The following CFAP77 variants were observed in gnomAD, a reference collection of about 807,000 sequenced individuals.
CFAP77 encodes the protein cilia and flagella associated protein 77, also known as cilia- and flagella-associated protein 77.
Under a neutral mutation model 31.1 loss-of-function variants are expected in CFAP77, and 25 were observed. The ratio of observed to expected loss-of-function variants is 0.80; its 90% CI spans 0.59 to 1.12. The LOEUF (loss-of-function observed/expected upper bound fraction) is 1.12. Ranked by LOEUF, CFAP77 falls within the 50% of genes most tolerant of loss-of-function variation. The pLI is 0.00. For synonymous variants in CFAP77, 151 were observed against 159.9 expected, an observed-to-expected ratio of 0.94 and a Z score of 0.42; for missense variants, 377 against 397.3, an observed-to-expected ratio of 0.95 and a Z score of 0.44.
At chr9:132,476,693 C>T (rs1282492802) in intron 1 of CFAP77, among the ~76,000 whole-genome samples, 2 of 152,082 alleles carry the variant, frequency 1.3e-5, no homozygotes, top group Non-Finnish European at 2.9e-5. Flanking sequence ...GGCACAGAGA[C>T]ACACAGGGGA....
In CFAP77 at chr9:132,446,585, C is replaced by T. The variant is rs139888884; in HGVS notation, c.195+36119C>T. ...GAAACCCCGTCTCTACTAAAAAATA[C>T]AAAAAATTAGCTGGGCGTGGTGGTG... On this transcript the variant is annotated intron_variant, in intron 1 of 5. Coordinates refer to ENST00000393216, the MANE Select transcript of CFAP77 (RefSeq NM_001282957.2). Among the ~76,000 whole-genome samples, 808 of 151,594 alleles carry T rather than the reference C, an allele frequency of 5.3e-3. 7 individuals are homozygous for T. Among genetic ancestry groups the T allele is most frequent in the African/African-American group, 0.018 (750 of 41,310 alleles).
At chr9:132,472,334 T>C (rs547093932) in intron 1 of CFAP77, among the ~76,000 whole-genome samples, 3 of 152,214 alleles carry the variant, frequency 2.0e-5, no homozygotes, top group African/African-American at 7.2e-5. Flanking sequence ...GACTCTTTAT[T>C]GTAGAATGCA....
rs765654276 is a variant in CFAP77, at chr9:132,501,378, CA to C, written c.524+1779del. On this transcript the variant is annotated intron_variant, in intron 3 of 5. Coordinates refer to ENST00000393216, the MANE Select transcript of CFAP77 (RefSeq NM_001282957.2). This position sits in a 1 kb window ranked among gnomAD's most constrained non-coding sequence, Gnocchi z 4.6. ...ACCTTGAGTTCAAGACTCTTTGGGC[CA>C]GCTCAGGTTACATGACTATCTTCTT... 2.6e-5 allele frequency among the ~76,000 whole-genome samples: 4 copies of C among 151,982 alleles called. No homozygotes were observed. The highest frequency in any genetic ancestry group is 4.4e-5 in the Non-Finnish European group (3 of 67,980).
At chr9:132,520,550 C>T (rs1005671005) in intron 3 of CFAP77, among the ~76,000 whole-genome samples, 12 of 152,116 alleles carry the variant, frequency 7.9e-5, no homozygotes, top group African/African-American at 1.4e-4. Context: ...GAGGCTGAGG[C>T]GAGAGGATTG....
In CFAP77 at chr9:132,479,808, C is replaced by T. The variant is rs1445695278; in HGVS notation, c.196-18887C>T. ...TGCAGATATTTAGAATGGCCTACTA[C>T]GTGAGAGGCAGTGAATATTCTCATC... is the stretch of plus-strand genomic sequence containing the variant. On this transcript the variant is annotated intron_variant, in intron 1 of 5. Coordinates refer to ENST00000393216, the MANE Select transcript of CFAP77 (RefSeq NM_001282957.2). Among the ~76,000 whole-genome samples, 6 of 152,168 alleles carry T rather than the reference C, an allele frequency of 3.9e-5. No homozygotes were observed. The South Asian group carries it at 1.0e-3, about 26-fold the overall frequency.
intron 1 of CFAP77, among the ~76,000 whole-genome samples, chr9:132,433,633 C>T (rs1374634388): frequency 5.3e-5 from 8 of 152,006 alleles, no homozygotes; most frequent in South Asian, 2.1e-4. Flanking sequence ...CTGCAACCTC[C>T]GCCTCCTGGG....
rs1175676910 is a variant in CFAP77 at position 132,424,289 on chromosome 9, C to T, written c.195+13823C>T. 1.3e-5 allele frequency among the ~76,000 whole-genome samples: 2 copies of T among 152,118 alleles called. No individual in the cohort carries two copies. The highest frequency in any genetic ancestry group is 4.8e-5 in the African/African-American group (2 of 41,414). ...TGGCCTCGGGTGCCTGTAGTCCCAG[C>T]TACTCAGGAGGCTGAGGCAGGAGAA... On this transcript the variant is annotated intron_variant, in intron 1 of 5. Transcript: ENST00000393216. The surrounding 1 kb of genome is among the most constrained non-coding windows in gnomAD (Gnocchi z 4.1).
At position 132,572,739 on chromosome 9, in the gene CFAP77, TCTC is replaced by T; in HGVS notation, c.*238_*240del. 5.6e-6 allele frequency: 3 copies of T among 536,158 alleles called. No individual in the cohort carries two copies. The highest frequency in any genetic ancestry group is 9.8e-6 in the Non-Finnish European group (3 of 305,938). 33.2% of individuals were successfully genotyped at this position (536,158 alleles called of 1,614,324 possible). ...TGACCCTCTACCTGGAGCCTCCTCC[TCTC>T]CTCCTCCTTCTCCTCCTAGGGCAGG... is the stretch of plus-strand genomic sequence containing the variant. On this transcript the variant is annotated 3_prime_UTR_variant, in exon 6 of 6. Coordinates refer to ENST00000393216, the MANE Select transcript of CFAP77 (RefSeq NM_001282957.2).
chr9:132,411,987 G>A (rs1850014076), intron 1 of CFAP77, among the ~76,000 whole-genome samples: 1 of 152,066 alleles, frequency 6.6e-6, no homozygotes, highest in Admixed American at 6.5e-5. Flanking sequence ...ATGTACATAT[G>A]TGTAAAATGT....
rs367543947 is a variant in CFAP77 at position 132,571,413 on chromosome 9, C to T, written c.733-975C>T. On this transcript the variant is annotated intron_variant, in intron 5 of 5. Coordinates refer to ENST00000393216, the MANE Select transcript of CFAP77 (RefSeq NM_001282957.2). ...GGACCCACCCAATTTGTTCTCACTG[C>T]GCACTCCCCAGCCTTCTGTCCATTG... Among the ~76,000 whole-genome samples, 22 of 152,260 alleles carry T rather than the reference C, an allele frequency of 1.4e-4. No homozygotes were observed. The South Asian group carries it at 3.7e-3, about 26-fold the overall frequency.
At chr9:132,525,058 C>T (rs1312907310) in intron 3 of CFAP77, among the ~76,000 whole-genome samples, 4 of 145,566 alleles carry the variant, frequency 2.7e-5, no homozygotes, top group Non-Finnish European at 3.0e-5. Flanking sequence ...CTCATTGTGA[C>T]GCCCAGGTTG....
chr9:132,489,124 G>A (rs1017301038), intron 1 of CFAP77, among the ~76,000 whole-genome samples: 3 of 152,120 alleles, frequency 2.0e-5, no homozygotes, highest in Non-Finnish European at 4.4e-5. Context: ...TCCAGCTAGT[G>A]GGCCACATTA....
chr9:132,509,489 T>G (rs576129), intron 3 of CFAP77, among the ~76,000 whole-genome samples: 61,182 of 152,072 alleles, frequency 0.4, 12,850 homozygotes, highest in African/African-American at 0.52. Context: ...TGAGGGCCAG[T>G]CTTGCTCGGT....
chr9:132,564,065 G>A lies in CFAP77; in HGVS notation c.733-8323G>A, dbSNP rs904835789. Among the ~76,000 whole-genome samples, 1 of 152,152 alleles carries A rather than the reference G, an allele frequency of 6.6e-6. No individual in the cohort carries two copies. The highest frequency in any genetic ancestry group is 2.4e-5 in the African/African-American group (1 of 41,440). On this transcript the variant is annotated intron_variant, in intron 5 of 5. Transcript: ENST00000393216. This position sits in a 1 kb window ranked among gnomAD's most constrained non-coding sequence, Gnocchi z 4.6. ...GTATCATAAGCTCTTACAGAACCTT[G>A]TACTTCTTTTAATACACAATTCTAA...
chr9:132,538,384 T>G (rs1286107666), intron 4 of CFAP77, among the ~76,000 whole-genome samples: 1 of 152,232 alleles, frequency 6.6e-6, no homozygotes, highest in Non-Finnish European at 1.5e-5. Context: ...CACTGCCGAT[T>G]GCTGGTGATA....
intron 1 of CFAP77, among the ~76,000 whole-genome samples, chr9:132,426,063 C>T (rs766376405): frequency 1.3e-5 from 2 of 152,200 alleles, no homozygotes; most frequent in Admixed American, 6.5e-5. Context: ...CCGAGACCCC[C>T]GCCCGCCTCC....
chr9:132,462,195 C>T (rs1003949998), intron 1 of CFAP77, among the ~76,000 whole-genome samples: 1 of 152,046 alleles, frequency 6.6e-6, no homozygotes, highest in African/African-American at 2.4e-5. Context: ...GGAATGGGTT[C>T]CCCTGGGACG....
chr9:132,442,119 G>A (rs545146379), intron 1 of CFAP77, among the ~76,000 whole-genome samples: 22 of 152,226 alleles, frequency 1.4e-4, no homozygotes, highest in Middle Eastern at 3.4e-3. Context: ...CATAGCCCCC[G>A]CCCTCCCTTG....
chr9:132,462,837 TAAAG>T (rs1851080451), intron 1 of CFAP77, among the ~76,000 whole-genome samples: 2 of 151,916 alleles, frequency 1.3e-5, no homozygotes, highest in African/African-American at 2.4e-5. Flanking sequence ...TAAAATAAAA[TAAAG>T]AACACGTTTG....
Sources: allele counts gnomAD v4.1 joint callset (sites outside exome capture counted in the v4.1 genomes callset), GRCh38; gene constraint gnomAD v4.1.1; non-coding constraint Gnocchi (gnomAD v3.1); transcripts MANE v1.5; gene names NCBI Gene and HGNC (gene_info 2026-07-23, HGNC 2026-07-21).